The following DICER1 variants were observed in gnomAD, a reference collection of about 807,000 sequenced individuals.
DICER1 encodes dicer 1, ribonuclease III, also known as endoribonuclease Dicer.
A neutral mutation model predicts 194.1 loss-of-function variants in DICER1; 43 were observed. That is an observed-to-expected ratio of 0.22 (90% CI 0.17 to 0.29). The LOEUF (loss-of-function observed/expected upper bound fraction) is 0.29, where lower values mean the gene tolerates loss of function less well. Ranked by LOEUF, DICER1 falls within the 10% of genes least tolerant of loss-of-function variation. DICER1 has a pLI of 1.00. For synonymous variants in DICER1, 832 were observed against 820.5 expected, an observed-to-expected ratio of 1.01 and a Z score of -0.24; for missense variants, 1,608 against 2,317.0, an observed-to-expected ratio of 0.69 and a Z score of 6.28.
rs370735844 is a variant in DICER1 at position 95,105,859 on chromosome 14, C to G, written c.2988-76G>C. On this transcript the variant is annotated intron_variant, in intron 18 of 26. Coordinates refer to ENST00000343455, the MANE Select transcript of DICER1 (RefSeq NM_177438.3). This position sits in a 1 kb window ranked among gnomAD's most constrained non-coding sequence, Gnocchi z 4.9. ...TTCACAGTGGTTCTCCAAAAACCACCTGAAGAGCTCATTTCAACTACAGCC... is the reference window on the plus strand; with the variant it reads ...TTCACAGTGGTTCTCCAAAAACCACGTGAAGAGCTCATTTCAACTACAGCC... 3.5e-4 allele frequency: 498 copies of G among 1,428,694 alleles called. 4 individuals carry two copies. In the South Asian group the frequency reaches 5.5e-3, roughly 16 times the overall value. The allele number at this position is 1,428,694 out of a possible 1,614,324, so 88.5% of individuals were successfully genotyped here. A position where few individuals can be genotyped will look rare whatever the true frequency, so the allele number is the denominator to read the frequency against.
intron 1 of DICER1, among the ~76,000 whole-genome samples, chr14:95,148,276 G>C (rs1355150014): frequency 1.3e-5 from 2 of 152,146 alleles, no homozygotes; most frequent in Non-Finnish European, 2.9e-5. Flanking sequence ...CCAGAGGTTG[G>C]AGGGTGGGTC....
chr14:95,140,517 C>T (rs1186786464), intron 1 of DICER1: 1 of 152,142 alleles, frequency 6.6e-6, no homozygotes, highest in Non-Finnish European at 1.5e-5. Context: ...CTATGATGTT[C>T]ACACAATGAC....
In DICER1 at chr14:95,103,752, G is replaced by A. The variant is rs2139963401; in HGVS notation, c.3644C>T (p.Thr1215Ile). ...GTATAAATTCTGAATGGAATATGAG[G>A]TAGTTGGTTGCACGGGTATTTCCTG... ...YKQEIPVQPT[T>I]SYSIQNLYSY... Residue 1215 changes from threonine (T) to isoleucine (I), a missense_variant, in exon 21 of 27, where the codon ACC becomes ATC. Coordinates refer to ENST00000343455, the MANE Select transcript of DICER1 (RefSeq NM_177438.3). 6.2e-7 allele frequency: 1 copy of A among 1,614,202 alleles called. No individual in the cohort carries two copies. Among genetic ancestry groups the A allele is most frequent in the Non-Finnish European group, 8.5e-7 (1 of 1,180,016 alleles).
intron 1 of DICER1, among the ~76,000 whole-genome samples, chr14:95,148,719 G>A (rs1895306422): frequency 6.6e-6 from 1 of 152,190 alleles, no homozygotes; most frequent in Admixed American, 6.5e-5. Flanking sequence ...CAGGCTGCAA[G>A]CCAAAGGTCC....
chr14:95,088,905 G>A lies in DICER1; in HGVS notation c.*1593C>T, dbSNP rs1459565289. The A allele has an allele frequency of 4.3e-6, 1 of 233,544 alleles. No homozygotes were observed. 14.5% of individuals were successfully genotyped at this position (233,544 alleles called of 1,614,324 possible). A position where few individuals can be genotyped will look rare whatever the true frequency, so the allele number is the denominator to read the frequency against. On this transcript the variant is annotated 3_prime_UTR_variant, in exon 27 of 27. Coordinates refer to ENST00000343455, the MANE Select transcript of DICER1 (RefSeq NM_177438.3). ...TTCAGAATCATGTGCTGGGAAATAT[G>A]AGACACCTCTGCTCAGCTTTCTTAA...
chr14:95,095,397 AC>A (rs1890218438), intron 23 of DICER1: 1 of 211,002 alleles, frequency 4.7e-6, no homozygotes, highest in Non-Finnish European at 9.7e-6. Context: ...CTTTAAAAAG[AC>A]CCTAAAGGAG....
upstream of DICER1, chr14:95,157,537 G>C (rs907723299): frequency 1.3e-5 from 2 of 152,554 alleles, no homozygotes; most frequent in African/African-American, 2.4e-5. Context: ...ACTGGCTCCC[G>C]CACCGCCCCT....
chr14:95,147,136 A>C (rs1895187666), intron 1 of DICER1, among the ~76,000 whole-genome samples: 1 of 152,220 alleles, frequency 6.6e-6, no homozygotes, highest in African/African-American at 2.4e-5. Flanking sequence ...GTGTGACGAT[A>C]AGCTAGAGAC....
intron 1 of DICER1, among the ~76,000 whole-genome samples, chr14:95,149,614 G>A (rs1350773989): frequency 6.6e-6 from 1 of 152,112 alleles, no homozygotes; most frequent in African/African-American, 2.4e-5. Context: ...ATCTTTGAAA[G>A]ATAATCTCAT....
intron 9 of DICER1, 74 bp from the exon 10 acceptor site, chr14:95,116,769 T>C (rs1892512777): frequency 6.9e-7 from 1 of 1,456,684 alleles, no homozygotes; most frequent in Non-Finnish European, 9.6e-7. Context: ...TTAGTAAAAG[T>C]AAATGACAAC....
At position 95,105,623 on chromosome 14, in the gene DICER1, T is replaced by C; in HGVS notation, c.3093+55A>G. On this transcript the variant is annotated intron_variant, in intron 19 of 26. Coordinates refer to ENST00000343455, the MANE Select transcript of DICER1 (RefSeq NM_177438.3). The surrounding 1 kb of genome is among the most constrained non-coding windows in gnomAD (Gnocchi z 4.9). ...AGATAAAATTCAAACTTATCTTTAA[T>C]AATCTTTAATACTCAAACAAATACT... 2 of 1,281,488 alleles carry C rather than the reference T, an allele frequency of 1.6e-6. No homozygotes were observed. The highest frequency in any genetic ancestry group is 2.3e-6 in the Non-Finnish European group (2 of 882,772). 79.4% of individuals were successfully genotyped at this position (1,281,488 alleles called of 1,614,324 possible).
intron 22 of DICER1, among the ~76,000 whole-genome samples, chr14:95,097,786 T>C (rs567338882): frequency 6.6e-6 from 1 of 152,342 alleles, no homozygotes; most frequent in East Asian, 1.9e-4. Flanking sequence ...ACTACATTTG[T>C]CTGAAAAGAA....
rs921131225 is a variant in DICER1, at chr14:95,125,936, G to A, written c.903+644C>T. On this transcript the variant is annotated intron_variant, in intron 7 of 26. Transcript: ENST00000343455. ...GAGAAAAATGTGGGCACTGCTGCTCGAGAAGAAAAAAATCATCAGGAGAGA... is the reference window on the plus strand; with the variant it reads ...GAGAAAAATGTGGGCACTGCTGCTCAAGAAGAAAAAAATCATCAGGAGAGA... Among the ~76,000 whole-genome samples, 28 of 152,086 alleles carry A rather than the reference G, an allele frequency of 1.8e-4. No homozygotes were observed. In the East Asian group the frequency reaches 4.0e-3, roughly 22 times the overall value.
intron 14 of DICER1, among the ~76,000 whole-genome samples, chr14:95,109,001 T>C (rs1353658989): frequency 1.3e-5 from 2 of 152,216 alleles, no homozygotes; most frequent in Admixed American, 1.3e-4. Context: ...CATAAATACA[T>C]AGAAACATAT....
chr14:95,141,230 A>C (rs1894808901), intron 1 of DICER1: 1 of 152,230 alleles, frequency 6.6e-6, no homozygotes, highest in African/African-American at 2.4e-5. Flanking sequence ...CCAATTTCCC[A>C]AAATGAAATT....
rs1310433898 is a variant in DICER1 at position 95,126,745 on chromosome 14, A to G, written c.738T>C (p.Tyr246=). The change falls in exon 7 of 27, where the codon TAT becomes TAC. Residue 246 remains tyrosine (Y), a synonymous_variant. Coordinates refer to ENST00000343455, the MANE Select transcript of DICER1 (RefSeq NM_177438.3). ...TATDLVVLDR[Y]TSQPCEIVVD... is the part of the protein sequence containing the mutation. The stretch of plus-strand genomic sequence containing the variant: ...CCACAATCTCACATGGCTGAGAAGT[A>G]TACCTTTAACATAAGAAACAAAAGG... 1 of 1,606,724 alleles carries G rather than the reference A, an allele frequency of 6.2e-7. No individual in the cohort carries two copies. The highest frequency in any genetic ancestry group is 8.5e-7 in the Non-Finnish European group (1 of 1,173,878).
chr14:95,094,069 G>A lies in DICER1; in HGVS notation c.5183C>T (p.Ser1728Phe), dbSNP rs762801582. Residue 1728 changes from serine to phenylalanine, a missense_variant, in exon 24 of 27, where the codon TCC becomes TTC. Ser to Phe is a radical substitution (Grantham distance 155). Around this residue, in one of 10 missense-constraint regions of DICER1, gnomAD observed 138 missense variants for 298.3 expected, o/e 0.46. Transcript: ENST00000343455. ...KHLYEDPRQH[S>F]PGVLTDLRSA... The stretch of plus-strand genomic sequence containing the variant: ...CCGCAGGTCTGTCAGGACCCCCGGG[G>A]AGTGCTGCCGCGGGTCTTCATAAAG... 1.9e-6 allele frequency: 3 copies of A among 1,613,994 alleles called. No individual in the cohort carries two copies. The highest frequency in any genetic ancestry group is 1.7e-6 in the Non-Finnish European group (2 of 1,180,022).
In DICER1 at chr14:95,104,092, T is replaced by C. The variant is rs750159753; in HGVS notation, c.3304A>G (p.Ile1102Val). ...PNLDFGWKKS[I>V]DSKSFISISN... ...ATTGAGATGAAAGATTTGCTGTCAA[T>C]AGATTTTTTCCACCCGAAGTCTAAG... Residue 1102 changes from isoleucine to valine, a missense_variant, in exon 21 of 27, where the codon ATT becomes GTT. By Grantham distance (29) the Ile-to-Val change is conservative. Around this residue, in one of 10 missense-constraint regions of DICER1, gnomAD observed 79 missense variants for 176.1 expected, o/e 0.45. Transcript: ENST00000343455. 16 of 1,613,912 alleles carry C rather than the reference T, an allele frequency of 9.9e-6. No individual in the cohort carries two copies. The South Asian group carries it at 1.2e-4, about 12-fold the overall frequency.
At chr14:95,128,850 A>G (rs951830034) in intron 6 of DICER1, among the ~76,000 whole-genome samples, 1 of 152,232 alleles carries the variant, frequency 6.6e-6, no homozygotes, top group Non-Finnish European at 1.5e-5. Flanking sequence ...ATGGAAGGCT[A>G]TTTTGACATA....
Sources: allele counts gnomAD v4.1 joint callset (sites outside exome capture counted in the v4.1 genomes callset), GRCh38; gene constraint gnomAD v4.1.1; regional missense constraint gnomAD v4.1.1; non-coding constraint Gnocchi (gnomAD v3.1); transcripts MANE v1.5; gene names NCBI Gene and HGNC (gene_info 2026-07-23, HGNC 2026-07-21).